The following ATF6B variants were observed in gnomAD, a reference collection of about 807,000 sequenced individuals.
ATF6B encodes activating transcription factor 6 beta.
A neutral mutation model predicts 83.5 loss-of-function variants in ATF6B; 50 were observed. The observed-to-expected ratio is 0.60, with a 90% CI of 0.48 to 0.76. ATF6B has a LOEUF of 0.76. Ranked by LOEUF, ATF6B falls within the 30% of genes least tolerant of loss-of-function variation. ATF6B has a pLI of 0.00. For synonymous variants in ATF6B, 344 were observed against 362.8 expected, an observed-to-expected ratio of 0.95 and a Z score of 0.59; for missense variants, 790 against 893.8, an observed-to-expected ratio of 0.88 and a Z score of 1.48.
chr6:32,127,318 T>G, intron 3 of ATF6B, 124 bp from the exon 4 acceptor site: 1 of 1,352,986 alleles, frequency 7.4e-7, no homozygotes, highest in Non-Finnish European at 1.0e-6. Context: ...AAATAGGGGA[T>G]TGAAGGAGAG....
chr6:32,118,935 C>CCAGCCAG lies in ATF6B; in HGVS notation c.1152+20_1152+21insCTGGCTG. On this transcript the variant is annotated intron_variant, in intron 10 of 17. Transcript: ENST00000375203. This position sits in a 1 kb window ranked among gnomAD's most constrained non-coding sequence, Gnocchi z 5.2. ...AGGAGGCTGTATTCCTGTTGGTCTC[C>CCAGCCAG]CAGGGACAGACTGGTCTTACTTCAG... 6.2e-7 allele frequency: 1 copy of CCAGCCAG among 1,614,112 alleles called. No homozygotes were observed. The highest frequency in any genetic ancestry group is 8.5e-7 in the Non-Finnish European group (1 of 1,179,974).
intron 4 of ATF6B, among the ~76,000 whole-genome samples, chr6:32,126,778 T>C (rs1471159018): frequency 6.6e-6 from 1 of 152,144 alleles, no homozygotes; most frequent in African/African-American, 2.4e-5. Context: ...GAGGATCACC[T>C]GAGCTCAGGA....
chr6:32,124,848 T>G (rs144354976), intron 5 of ATF6B, among the ~76,000 whole-genome samples: 1,672 of 151,646 alleles, frequency 0.011, 12 homozygotes, highest in Non-Finnish European at 0.017. Flanking sequence ...TACCCTCTAG[T>G]GATTTTTTTT....
chr6:32,127,622 G>A lies in ATF6B; in HGVS notation c.171+49C>T, dbSNP rs775849310. On this transcript the variant is annotated intron_variant, in intron 2 of 17. Coordinates refer to ENST00000375203, the MANE Select transcript of ATF6B (RefSeq NM_004381.5). ...GCCTGTGAATGGGTCCAGGTTCTGG[G>A]CTCACTTTCCACCCACCAAGGGTTA... 9 of 1,612,708 alleles carry A rather than the reference G, an allele frequency of 5.6e-6. No individual in the cohort carries two copies. In the South Asian group the frequency reaches 8.8e-5, roughly 16 times the overall value.
At chr6:32,127,580 A>G in intron 2 of ATF6B, 60 bp from the exon 3 acceptor site, 1 of 1,607,712 alleles carries the variant, frequency 6.2e-7, no homozygotes, top group Non-Finnish European at 8.5e-7. Context: ...AGTAGGGGTG[A>G]CTCCAGATGA....
intron 5 of ATF6B, among the ~76,000 whole-genome samples, chr6:32,124,458 C>T (rs1280590421): frequency 6.6e-6 from 1 of 152,252 alleles, no homozygotes; most frequent in Non-Finnish European, 1.5e-5. Flanking sequence ...GCATAAGCTT[C>T]TTCCTTGGTT....
intron 5 of ATF6B, among the ~76,000 whole-genome samples, chr6:32,121,611 G>T (rs952338666): frequency 1.3e-5 from 2 of 152,186 alleles, no homozygotes; most frequent in African/African-American, 4.8e-5. Flanking sequence ...TGAGGCAGGA[G>T]AATCGCTTGA....
Position 32,117,094 on chromosome 6 carries a change from C to T in ATF6B, c.1628G>A (p.Arg543Gln), listed in dbSNP as rs148223868. ...TGCCTTAACTGGAGGTGACTTCTTC[C>T]GTGGCTGAGACTTCTGGAAGGAGAA... ...RAQERQKSQP[R>Q]KKSPPVKAVP... The change falls in exon 15 of 18, where the codon CGG becomes CAG. Residue 543 changes from arginine (R) to glutamine (Q), a missense_variant. Arg to Gln is a conservative substitution (Grantham distance 43). This residue lies in a region of ATF6B where 530 missense variants were observed against 632.6 expected (regional missense o/e 0.84). Coordinates refer to ENST00000375203, the MANE Select transcript of ATF6B (RefSeq NM_004381.5). The surrounding 1 kb of genome is among the most constrained non-coding windows in gnomAD (Gnocchi z 5.0). 1,041 of 1,613,988 alleles carry T rather than the reference C, an allele frequency of 6.4e-4. 3 individuals carry two copies. The highest frequency in any genetic ancestry group is 8.5e-4 in the Non-Finnish European group (1,006 of 1,179,968).
Position 32,117,821 on chromosome 6 carries a change from C to A in ATF6B, c.1424+38G>T. On this transcript the variant is annotated intron_variant, in intron 12 of 17. Coordinates refer to ENST00000375203, the MANE Select transcript of ATF6B (RefSeq NM_004381.5). The surrounding 1 kb of genome is among the most constrained non-coding windows in gnomAD (Gnocchi z 5.0). ...AAAGCGGGGAGAAGACCAACTCATA[C>A]CCTCAAACGAGAGGGGGCCCTCTCT... The A allele has an allele frequency of 4.5e-6, 7 of 1,555,446 alleles. No individual in the cohort carries two copies. The highest frequency in any genetic ancestry group is 6.1e-6 in the Non-Finnish European group (7 of 1,152,668).
chr6:32,120,997 C>A lies in ATF6B; in HGVS notation c.692G>T (p.Gly231Val). The A allele has an allele frequency of 2.0e-6, 3 of 1,522,480 alleles. No individual in the cohort carries two copies. The highest frequency in any genetic ancestry group is 2.6e-6 in the Non-Finnish European group (3 of 1,136,912). The allele number at this position is 1,522,480 out of a possible 1,614,324, so 94.3% of individuals were successfully genotyped here. ...VQISMGPSLD[G>V]SSGKALPTRK... ...TCAGGAGACTCCATTACCTGAGGAGCCATCAAGGGATGGGCCCATGCTGAT... is the reference window on the plus strand; with the variant it reads ...TCAGGAGACTCCATTACCTGAGGAGACATCAAGGGATGGGCCCATGCTGAT... The change falls in exon 7 of 18, where the codon GGC (glycine) becomes GTC (valine). Residue 231 changes from glycine (G) to valine (V), a missense_variant. Around this residue, in one of 3 missense-constraint regions of ATF6B, gnomAD observed 530 missense variants for 632.6 expected, o/e 0.84. Coordinates refer to ENST00000375203, the MANE Select transcript of ATF6B (RefSeq NM_004381.5).
At chr6:32,123,999 T>G (rs1313633543) in intron 5 of ATF6B, among the ~76,000 whole-genome samples, 1 of 152,126 alleles carries the variant, frequency 6.6e-6, no homozygotes, top group East Asian at 1.9e-4. Flanking sequence ...AGGTCGGGAA[T>G]TCAAGACCAG....
rs1172381866 is a variant in ATF6B at position 32,124,154 on chromosome 6, C to G, written c.478+1963G>C. 5.3e-5 allele frequency among the ~76,000 whole-genome samples: 8 copies of G among 152,238 alleles called. No individual in the cohort carries two copies. In the East Asian group the frequency reaches 1.5e-3, roughly 29 times the overall value. ...GGCAGAGATTACAGTGAGCCAAGAT[C>G]ACACCACTATTGCACTCCAGCCTGG... is the stretch of plus-strand genomic sequence containing the variant. On this transcript the variant is annotated intron_variant, in intron 5 of 17. Coordinates refer to ENST00000375203, the MANE Select transcript of ATF6B (RefSeq NM_004381.5).
At chr6:32,120,101 C>CT in intron 8 of ATF6B, 144 bp from the exon 9 acceptor site, 2 of 1,094,510 alleles carry the variant, frequency 1.8e-6, no homozygotes, top group South Asian at 1.8e-5. Flanking sequence ...TCCTTTTCTC[C>CT]TTTTTTTCTT....
intron 5 of ATF6B, among the ~76,000 whole-genome samples, chr6:32,122,463 C>A (rs752733344): frequency 4.6e-5 from 7 of 152,138 alleles, no homozygotes; most frequent in Non-Finnish European, 7.3e-5. Context: ...TATATGATCA[C>A]TAAGATTGCT....
chr6:32,123,052 C>T (rs1216441238), intron 5 of ATF6B, among the ~76,000 whole-genome samples: 1 of 151,534 alleles, frequency 6.6e-6, no homozygotes, highest in Non-Finnish European at 1.5e-5. Flanking sequence ...CATGGCAAAA[C>T]CCTGTCTCTA....
Position 32,116,193 on chromosome 6 carries a change from C to G in ATF6B, c.1883-225G>C, listed in dbSNP as rs1013951339. Among the ~76,000 whole-genome samples the G allele has an allele frequency of 6.6e-6, 1 of 152,148 alleles. No individual in the cohort carries two copies. Among genetic ancestry groups the G allele is most frequent in the African/African-American group, 2.4e-5 (1 of 41,418 alleles). On this transcript the variant is annotated intron_variant, in intron 17 of 17. Coordinates refer to ENST00000375203, the MANE Select transcript of ATF6B (RefSeq NM_004381.5). The surrounding 1 kb of genome is among the most constrained non-coding windows in gnomAD (Gnocchi z 5.1). ...AAAGGGCATTGAGTGTGGGGTCACA[C>G]AGGAGAGGACATCAAGAGAAAAAAG...
chr6:32,117,176 G>A lies in ATF6B; in HGVS notation c.1615-69C>T. 6.4e-7 allele frequency: 1 copy of A among 1,567,204 alleles called. No homozygotes were observed. Among genetic ancestry groups the A allele is most frequent in the South Asian group, 1.1e-5 (1 of 88,802 alleles). On this transcript the variant is annotated intron_variant, in intron 14 of 17. Coordinates refer to ENST00000375203, the MANE Select transcript of ATF6B (RefSeq NM_004381.5). The surrounding 1 kb of genome is among the most constrained non-coding windows in gnomAD (Gnocchi z 5.0). The stretch of plus-strand genomic sequence containing the variant: ...AAGGGAAAGAGACAAACAGCCCCTG[G>A]AAGCTGATGCCACCTCCCACTCAAC...
chr6:32,122,038 T>G (rs145849261), intron 5 of ATF6B, among the ~76,000 whole-genome samples: 132 of 152,286 alleles, frequency 8.7e-4, no homozygotes, highest in Middle Eastern at 3.4e-3. Flanking sequence ...CCCAAATTCC[T>G]ATCTTGCTGG....
In ATF6B at chr6:32,127,738, T is replaced by C. The variant is rs1305441792; in HGVS notation, c.104A>G (p.Tyr35Cys). ...EDWGLQNSTLYSGLDEVAEEQ... is the reference protein window; with the variant it reads ...EDWGLQNSTLCSGLDEVAEEQ... ...CTCGGCCACTTCATCTAGGCCAGAATACAAGGTGCTGTCTGCAAGAAATGC... is the reference window on the plus strand; with the variant it reads ...CTCGGCCACTTCATCTAGGCCAGAACACAAGGTGCTGTCTGCAAGAAATGC... Residue 35 changes from tyrosine (Y) to cysteine (C), a missense_variant, in exon 2 of 18, where the codon TAT becomes TGT. Transcript: ENST00000375203. The C allele has an allele frequency of 6.2e-7, 1 of 1,614,002 alleles. No individual in the cohort carries two copies. The highest frequency in any genetic ancestry group is 8.5e-7 in the Non-Finnish European group (1 of 1,180,014).
Sources: gnomAD v4.1 joint callset for allele counts (sites outside exome capture counted in the v4.1 genomes callset) on GRCh38, gnomAD v4.1.1 for gene constraint, gnomAD v4.1.1 regional missense constraint, Gnocchi (gnomAD v3.1) non-coding constraint, MANE v1.5 for transcripts, NCBI Gene and HGNC (gene_info 2026-07-23, HGNC 2026-07-21) for gene names.